Variants in SYT3 observed in about 807,000 individuals in gnomAD.
The protein encoded by SYT3 is synaptotagmin-3.
A neutral mutation model predicts 50.6 loss-of-function variants in SYT3; 25 were observed. The observed-to-expected ratio is 0.49, with a 90% CI of 0.36 to 0.69. SYT3 has a LOEUF of 0.69. Ranked by LOEUF, SYT3 falls within the 30% of genes least tolerant of loss-of-function variation. SYT3 has a pLI of 0.00. For missense variants in SYT3, 589 were observed against 793.6 expected (o/e 0.74, Z 3.10); for synonymous variants, 323 against 353.9 (o/e 0.91, Z 0.98).
At chr19:50,650,745 C>T in the SYT3 span, among the ~76,000 whole-genome samples, 1 of 152,258 alleles carries the variant, frequency 6.6e-6, no homozygotes, top group African/African-American at 2.4e-5. Context: ...GCTCCTGGCT[C>T]AAGTGATCCT....
chr19:50,655,657 A>C, the SYT3 span, among the ~76,000 whole-genome samples: 1 of 152,050 alleles, frequency 6.6e-6, no homozygotes, highest in Admixed American at 6.5e-5. Context: ...TCAAAAAAAA[A>C]AAACAAAAAA....
At chr19:50,638,719 G>C (rs958187115) in intron 2 of SYT3, among the ~76,000 whole-genome samples, 2 of 152,080 alleles carry the variant, frequency 1.3e-5, no homozygotes, top group African/African-American at 4.8e-5. Flanking sequence ...GGATGGATGG[G>C]TGGGCAAGGA....
chr19:50,629,069 C>T (rs953168679), intron 6 of SYT3, among the ~76,000 whole-genome samples: 3 of 152,114 alleles, frequency 2.0e-5, no homozygotes, highest in African/African-American at 7.2e-5. Context: ...AGTGATCTGC[C>T]CACCTGGCCT....
At position 50,637,161 on chromosome 19, in the gene SYT3, G is replaced by A. The variant is rs776991265; in HGVS notation, c.148+103C>T. ...AGGCAGAATGGGGGCAAGACGCTAC[G>A]AGGGACTGACCCCACAAGCAATGGA... On this transcript the variant is annotated intron_variant, in intron 3 of 10. Coordinates refer to ENST00000600079, the MANE Select transcript of SYT3 (RefSeq NM_001160329.2). This position sits in a 1 kb window ranked among gnomAD's most constrained non-coding sequence, Gnocchi z 4.9. 39 of 1,400,834 alleles carry A rather than the reference G, an allele frequency of 2.8e-5. No homozygotes were observed. The highest frequency in any genetic ancestry group is 7.2e-5 in the Admixed American group (4 of 55,718). The allele number at this position is 1,400,834 out of a possible 1,614,324, so 86.8% of individuals were successfully genotyped here. A position where few individuals can be genotyped will look rare whatever the true frequency, so the allele number is the denominator to read the frequency against.
chr19:50,648,413 A>C, the SYT3 span, among the ~76,000 whole-genome samples: 1 of 152,124 alleles, frequency 6.6e-6, no homozygotes, highest in Admixed American at 6.5e-5. Flanking sequence ...AGAGGAAGAG[A>C]AAGAGATACA....
chr19:50,651,275 T>C, the SYT3 span, among the ~76,000 whole-genome samples: 1 of 152,198 alleles, frequency 6.6e-6, no homozygotes, highest in African/African-American at 2.4e-5. Flanking sequence ...CTCTTCTCTT[T>C]TGCTCAAAAA....
Position 50,625,465 on chromosome 19 carries a change from G to A in SYT3, c.1502C>T (p.Ala501Val), listed in dbSNP as rs768869008. The change falls in exon 8 of 11, where the codon GCG (alanine) becomes GTG (valine). Residue 501 changes from alanine (A) to valine (V), a missense_variant. Ala to Val is a moderately conservative substitution (Grantham distance 64). Transcript: ENST00000600079. This position sits in a 1 kb window ranked among gnomAD's most constrained non-coding sequence, Gnocchi z 7.5. Reference sequence around the variant, plus strand: ...CTCGGGGGCCACGTCGAACACCAGCGCCTCATTATAGGTGGGGTTCAGCGT... The same window carrying A: ...CTCGGGGGCCACGTCGAACACCAGCACCTCATTATAGGTGGGGTTCAGCGT... ...KNTLNPTYNEALVFDVAPESV... is the reference protein window; with the variant it reads ...KNTLNPTYNEVLVFDVAPESV... 5.0e-6 allele frequency: 8 copies of A among 1,600,802 alleles called. No homozygotes were observed. The highest frequency in any genetic ancestry group is 4.0e-5 in the African/African-American group (3 of 74,564).
chr19:50,633,138 C>T (rs1333113789), intron 3 of SYT3, among the ~76,000 whole-genome samples: 1 of 152,126 alleles, frequency 6.6e-6, no homozygotes, highest in African/African-American at 2.4e-5. Context: ...TGTGCTATCA[C>T]ACCTGGCTAA....
chr19:50,657,917 T>C, the SYT3 span: 1 of 1,466,054 alleles, frequency 6.8e-7, no homozygotes, highest in Non-Finnish European at 9.0e-7. Flanking sequence ...AGGTGGGGTC[T>C]AGGGTGGTGA....
rs1171425087 is a variant in SYT3, at chr19:50,637,608, G to A, written c.-15-182C>T. ...TCGAGGAAGAAGGACAAGGTGACAGGTATTAGGGATGGACAAGGAAAAGGA... is the reference window on the plus strand; with the variant it reads ...TCGAGGAAGAAGGACAAGGTGACAGATATTAGGGATGGACAAGGAAAAGGA... On this transcript the variant is annotated intron_variant, in intron 2 of 10. Transcript: ENST00000600079. This position sits in a 1 kb window ranked among gnomAD's most constrained non-coding sequence, Gnocchi z 4.9. 1 of 557,022 alleles carries A rather than the reference G, an allele frequency of 1.8e-6. No homozygotes were observed. The highest frequency in any genetic ancestry group is 1.9e-5 in the African/African-American group (1 of 53,164). 34.5% of individuals were successfully genotyped at this position (557,022 alleles called of 1,614,324 possible). A position where few individuals can be genotyped will look rare whatever the true frequency, so the allele number is the denominator to read the frequency against.
chr19:50,643,588 A>G (rs1443138133), upstream of SYT3, among the ~76,000 whole-genome samples: 1 of 152,118 alleles, frequency 6.6e-6, no homozygotes, highest in Admixed American at 6.5e-5. Context: ...GGAGTATAGA[A>G]CAATATAAAG....
the SYT3 span, chr19:50,649,856 C>T: frequency 2.1e-6 from 1 of 480,346 alleles, no homozygotes; most frequent in South Asian, 1.5e-5. Flanking sequence ...AAGCTGCTCT[C>T]CTCCTTCCTG....
Position 50,625,059 on chromosome 19 carries a change from C to A in SYT3, c.1707+103G>T. On this transcript the variant is annotated intron_variant, in intron 9 of 10. Transcript: ENST00000600079. This position sits in a 1 kb window ranked among gnomAD's most constrained non-coding sequence, Gnocchi z 7.5. Reference sequence around the variant, plus strand: ...ACAGCAGGGATTGAAACCTAGGACGCCTGGCTCTGCGACTCACGAACATGC... The same window carrying A: ...ACAGCAGGGATTGAAACCTAGGACGACTGGCTCTGCGACTCACGAACATGC... The A allele has an allele frequency of 3.2e-6, 4 of 1,267,890 alleles. No individual in the cohort carries two copies. Among genetic ancestry groups the A allele is most frequent in the Non-Finnish European group, 4.1e-6 (4 of 979,598 alleles). 78.5% of individuals were successfully genotyped at this position (1,267,890 alleles called of 1,614,324 possible). A position where few individuals can be genotyped will look rare whatever the true frequency, so the allele number is the denominator to read the frequency against.
At chr19:50,623,318 T>C (rs1237287751) in intron 9 of SYT3, among the ~76,000 whole-genome samples, 2 of 152,012 alleles carry the variant, frequency 1.3e-5, no homozygotes, top group Non-Finnish European at 2.9e-5. Context: ...GTCCCCGTCT[T>C]TTCCAATCTC....
At chr19:50,634,557 C>G (rs1446474530) in intron 3 of SYT3, among the ~76,000 whole-genome samples, 2 of 150,178 alleles carry the variant, frequency 1.3e-5, no homozygotes, top group East Asian at 1.9e-4. Flanking sequence ...TCCTTCCCCC[C>G]TCCCTCTTGG....
the SYT3 span, among the ~76,000 whole-genome samples, chr19:50,650,674 A>G: frequency 2.4e-4 from 36 of 152,294 alleles, no homozygotes; most frequent in African/African-American, 8.2e-4. Flanking sequence ...CTGTCTCAAA[A>G]AACAAAACAA....
chr19:50,632,679 C>A lies in SYT3; in HGVS notation c.281G>T (p.Gly94Val). The change falls in exon 4 of 11, where the codon GGC becomes GTC. Residue 94 changes from glycine to valine, a missense_variant. Coordinates refer to ENST00000600079, the MANE Select transcript of SYT3 (RefSeq NM_001160329.2). This position sits in a 1 kb window ranked among gnomAD's most constrained non-coding sequence, Gnocchi z 4.7. ...RDKGGSAVGG[G>V]PLRKDLGPGV... is the part of the protein sequence containing the mutation. The stretch of plus-strand genomic sequence containing the variant: ...AGGGCCTAGGTCTTTGCGCAGGGGG[C>A]CACCGCCCACTGCCGAGCCTCCCTT... 6.3e-7 allele frequency: 1 copy of A among 1,589,642 alleles called. No individual in the cohort carries two copies. The highest frequency in any genetic ancestry group is 1.7e-5 in the Admixed American group (1 of 58,702).
In SYT3 at chr19:50,632,159, T is replaced by C; in HGVS notation, c.674+127A>G. 1 of 1,102,988 alleles carries C rather than the reference T, an allele frequency of 9.1e-7. No individual in the cohort carries two copies. Among genetic ancestry groups the C allele is most frequent in the Admixed American group, 2.5e-5 (1 of 40,038 alleles). The allele number at this position is 1,102,988 out of a possible 1,614,324, so 68.3% of individuals were successfully genotyped here. ...CTAGGGCCCCAGCCTCCTCTTTCCCTAAGATCCAGGAGTCAATACCCCGAT... is the reference window on the plus strand; with the variant it reads ...CTAGGGCCCCAGCCTCCTCTTTCCCCAAGATCCAGGAGTCAATACCCCGAT... On this transcript the variant is annotated intron_variant, in intron 4 of 10. Transcript: ENST00000600079. This position sits in a 1 kb window ranked among gnomAD's most constrained non-coding sequence, Gnocchi z 4.7.
chr19:50,657,991 CGAG>C, the SYT3 span: 10 of 1,527,438 alleles, frequency 6.5e-6, no homozygotes, highest in South Asian at 8.4e-5. Flanking sequence ...ACCCGCAGCC[CGAG>C]GAGGATTTTA....
Sources: allele counts gnomAD v4.1 joint callset (sites outside exome capture counted in the v4.1 genomes callset), GRCh38; gene constraint gnomAD v4.1.1; non-coding constraint Gnocchi (gnomAD v3.1); transcripts MANE v1.5; gene names NCBI Gene and HGNC (gene_info 2026-07-23, HGNC 2026-07-21).